Variants in CYB5R4 observed in about 807,000 individuals in gnomAD.
CYB5R4 encodes the protein N-terminal cytochrome b5 and cytochrome b5 oxidoreductase domain-containing protein.
CYB5R4 carries 55 observed loss-of-function variants against 70.2 expected under a neutral mutation model. The ratio of observed to expected loss-of-function variants is 0.78; its 90% confidence interval spans 0.63 to 0.98. The LOEUF is 0.98. CYB5R4 is among the 50% of genes least tolerant of loss of function. CYB5R4 has a pLI of 0.00. For synonymous variants in CYB5R4, 197 were observed against 199.5 expected (o/e 0.99, Z 0.11); for missense variants, 562 against 612.6 (o/e 0.92, Z 0.87).
At chr6:83,878,607 A>C (rs776300891) in intron 2 of CYB5R4, among the ~76,000 whole-genome samples, 4 of 152,100 alleles carry the variant, frequency 2.6e-5, no homozygotes, top group Non-Finnish European at 4.4e-5. Flanking sequence ...CGGCCTCCCA[A>C]AGTGCTAGGA....
At chr6:83,938,414 A>C (rs2099469252) in intron 12 of CYB5R4, among the ~76,000 whole-genome samples, 2 of 152,178 alleles carry the variant, frequency 1.3e-5, no homozygotes, top group Admixed American at 1.3e-4. Context: ...TGTCACTTAG[A>C]GAGTTGTACA....
chr6:83,955,162 G>C (rs1467978775), intron 14 of CYB5R4, 136 bp from the exon 15 acceptor site: 3 of 640,708 alleles, frequency 4.7e-6, no homozygotes, highest in Non-Finnish European at 4.8e-6. Context: ...ATTTTTTTCA[G>C]TGTTTTTCTA....
intron 2 of CYB5R4, among the ~76,000 whole-genome samples, chr6:83,867,351 A>G (rs983551479): frequency 6.6e-6 from 1 of 152,252 alleles, no homozygotes; most frequent in East Asian, 1.9e-4. Context: ...AATTATAAGA[A>G]GGAAGGCTGG....
chr6:83,893,578 CTAA>C lies in CYB5R4; in HGVS notation c.288_290del (p.Met97del). 1 of 1,613,192 alleles carries C rather than the reference CTAA, an allele frequency of 6.2e-7. No individual in the cohort carries two copies. The highest frequency in any genetic ancestry group is 8.5e-7 in the Non-Finnish European group (1 of 1,179,394). ...GTATCATCCTGGTGGAGAAGATGAA[CTAA>C]TGAGAGCAGCAGGATCAGATGGTAC... is the stretch of plus-strand genomic sequence containing the variant. On this transcript the variant is annotated inframe_deletion, in exon 3 of 16. Transcript: ENST00000369681.
intron 2 of CYB5R4, among the ~76,000 whole-genome samples, chr6:83,871,540 T>C (rs1274154000): frequency 6.6e-6 from 1 of 152,170 alleles, no homozygotes; most frequent in Non-Finnish European, 1.5e-5. Context: ...AAACTGCTGA[T>C]CTGAGGGCCT....
rs559775665 is a variant in CYB5R4, at chr6:83,863,079, A to T, written c.76-1096A>T. Among the ~76,000 whole-genome samples, 19 of 152,334 alleles carry T rather than the reference A, an allele frequency of 1.2e-4. No individual in the cohort carries two copies. The South Asian group carries it at 3.7e-3, about 30-fold the overall frequency. On this transcript the variant is annotated intron_variant, in intron 1 of 15. Transcript: ENST00000369681. ...GTCAGACAAGCTTAGTTCCATAGAG[A>T]TATCTTGAAAATGTTCTGGTCAAAG...
At chr6:83,951,997 A>C (rs2099471612) in intron 14 of CYB5R4, among the ~76,000 whole-genome samples, 1 of 152,160 alleles carries the variant, frequency 6.6e-6, no homozygotes, top group South Asian at 2.1e-4. Flanking sequence ...AGAGAATACT[A>C]TACCCAGCCT....
At chr6:83,946,992 A>G (rs2099470718) in intron 14 of CYB5R4, among the ~76,000 whole-genome samples, 2 of 152,218 alleles carry the variant, frequency 1.3e-5, no homozygotes, top group Admixed American at 1.3e-4. Context: ...AAAGTAATTT[A>G]TAGATTTAAT....
At chr6:83,889,447 C>T (rs186082924) in intron 2 of CYB5R4, among the ~76,000 whole-genome samples, 26 of 152,266 alleles carry the variant, frequency 1.7e-4, no homozygotes, top group African/African-American at 6.0e-4. Context: ...GCTAAGTCTG[C>T]CCTGCCTGTG....
intron 2 of CYB5R4, among the ~76,000 whole-genome samples, chr6:83,880,260 T>C (rs551270449): frequency 2.0e-5 from 3 of 152,242 alleles, no homozygotes; most frequent in Admixed American, 6.5e-5. Flanking sequence ...TACAATCTAC[T>C]TCTTAAGTTT....
At chr6:83,874,463 A>G (rs756049590) in intron 2 of CYB5R4, among the ~76,000 whole-genome samples, 1 of 150,988 alleles carries the variant, frequency 6.6e-6, no homozygotes, top group Non-Finnish European at 1.5e-5. Context: ...TGGCCTCCCA[A>G]AGTGCTGGGA....
Position 83,967,294 on chromosome 6 carries a change from A to G in CYB5R4, c.*7416A>G, listed in dbSNP as rs2099474221. The G allele has an allele frequency of 6.6e-6, 1 of 152,224 alleles. No individual in the cohort carries two copies. Among genetic ancestry groups the G allele is most frequent in the Non-Finnish European group, 1.5e-5 (1 of 68,038 alleles). 9.4% of individuals were successfully genotyped at this position (152,224 alleles called of 1,614,324 possible). On this transcript the variant is annotated 3_prime_UTR_variant, in exon 16 of 16. Transcript: ENST00000369681. Reference sequence around the variant, plus strand: ...ATTAAACTTGTAGAACTAAAACAAAATGAGAGTTAAAAAAGAAAGAGTATA... The same window carrying G: ...ATTAAACTTGTAGAACTAAAACAAAGTGAGAGTTAAAAAAGAAAGAGTATA...
In CYB5R4 at chr6:83,966,082, CT is replaced by C. The variant is rs1252195718; in HGVS notation, c.*6205del. 5.3e-5 allele frequency: 8 copies of C among 152,086 alleles called. No individual in the cohort carries two copies. Among genetic ancestry groups the C allele is most frequent in the African/African-American group, 1.9e-4 (8 of 41,400 alleles). The allele number at this position is 152,086 out of a possible 1,614,324, so 9.4% of individuals were successfully genotyped here. On this transcript the variant is annotated 3_prime_UTR_variant, in exon 16 of 16. Coordinates refer to ENST00000369681, the MANE Select transcript of CYB5R4 (RefSeq NM_016230.4). Reference sequence around the variant, plus strand: ...TATGAAATGTCTAGAACAGGAAAATCTATGAGACATAAAGTAATTAAGTGGC... The same window carrying C: ...TATGAAATGTCTAGAACAGGAAAATCATGAGACATAAAGTAATTAAGTGGC...
Position 83,859,699 on chromosome 6 carries a change from T to A in CYB5R4, c.-84T>A. 1 of 1,491,542 alleles carries A rather than the reference T, an allele frequency of 6.7e-7. No homozygotes were observed. The highest frequency in any genetic ancestry group is 9.2e-7 in the Non-Finnish European group (1 of 1,084,746). The allele number at this position is 1,491,542 out of a possible 1,614,324, so 92.4% of individuals were successfully genotyped here. ...CCGGAAGTGGGTCGGGGGCTTGGCC[T>A]CTGCCCGGCCACAGAGCCGGAGCTG... is the stretch of plus-strand genomic sequence containing the variant. On this transcript the variant is annotated 5_prime_UTR_variant, in exon 1 of 16. Transcript: ENST00000369681.
At chr6:83,860,812 T>C (rs2099455814) in intron 1 of CYB5R4, among the ~76,000 whole-genome samples, 1 of 152,254 alleles carries the variant, frequency 6.6e-6, no homozygotes, top group East Asian at 1.9e-4. Flanking sequence ...CAGAGATTTC[T>C]TAAGTACTTA....
intron 4 of CYB5R4, chr6:83,910,046 A>G (rs1235868999): frequency 6.2e-7 from 1 of 1,612,418 alleles, no homozygotes; most frequent in Admixed American, 1.7e-5. Context: ...CATGCATTGG[A>G]CAGCTCTTTG....
At chr6:83,901,860 G>GCC (rs901338726) in intron 3 of CYB5R4, among the ~76,000 whole-genome samples, 1 of 151,610 alleles carries the variant, frequency 6.6e-6, no homozygotes, top group African/African-American at 2.4e-5. Context: ...CATGTTCTTT[G>GCC]CCCACTTCTT....
intron 3 of CYB5R4, among the ~76,000 whole-genome samples, chr6:83,899,344 C>A (rs981934489): frequency 1.3e-5 from 2 of 151,978 alleles, no homozygotes; most frequent in African/African-American, 4.8e-5. Flanking sequence ...AAGCTTTTTG[C>A]TGTGCTGCTG....
chr6:83,917,859 A>G (rs1011081908), intron 5 of CYB5R4, 146 bp from the exon 6 acceptor site: 1 of 632,230 alleles, frequency 1.6e-6, no homozygotes. Flanking sequence ...CCTTTTGGCT[A>G]AGATCAAGTG....
Sources: allele counts gnomAD v4.1 joint callset (sites outside exome capture counted in the v4.1 genomes callset), GRCh38; gene constraint gnomAD v4.1.1; transcripts MANE v1.5; gene names NCBI Gene and HGNC (gene_info 2026-07-23, HGNC 2026-07-21).